Variants in NCAPG2 observed in about 807,000 individuals in gnomAD.
The protein encoded by NCAPG2 is condensin-2 complex subunit G2.
NCAPG2 carries 53 observed loss-of-function variants against 141.1 expected under a neutral mutation model. The ratio of observed to expected loss-of-function variants is 0.38; its 90% confidence interval spans 0.30 to 0.47. The LOEUF (loss-of-function observed/expected upper bound fraction) is 0.47, where lower values mean the gene tolerates loss of function less well. Among genes scored for constraint, NCAPG2 ranks in the 20% least tolerant of loss-of-function variants. The probability of loss-of-function intolerance (pLI) is 0.99; values close to 1 mark genes in which losing one functional copy is unlikely to be tolerated. For missense variants in NCAPG2, 1,087 were observed against 1,389.0 expected, an observed-to-expected ratio of 0.78 and a Z score of 3.46; for synonymous variants, 499 against 490.7, an observed-to-expected ratio of 1.02 and a Z score of -0.22.
chr7:158,689,627 T>C lies in NCAPG2; in HGVS notation c.672+192A>G, dbSNP rs972980930. ...CACAGCCACCTGTTACCATCCAATT[T>C]AATGATGAAATAAGCAAGGACTTGT... is the stretch of plus-strand genomic sequence containing the variant. On this transcript the variant is annotated intron_variant, in intron 6 of 27. Coordinates refer to ENST00000356309, the MANE Select transcript of NCAPG2 (RefSeq NM_017760.7). Among the ~76,000 whole-genome samples, 3 of 152,210 alleles carry C rather than the reference T, an allele frequency of 2.0e-5. No individual in the cohort carries two copies. In the South Asian group the frequency reaches 6.2e-4, roughly 31 times the overall value.
In NCAPG2 at chr7:158,633,269, T is replaced by C. The variant is rs10245273; in HGVS notation, c.3381-1552A>G. On this transcript the variant is annotated intron_variant, in intron 27 of 27. Coordinates refer to ENST00000356309, the MANE Select transcript of NCAPG2 (RefSeq NM_017760.7). This position sits in a 1 kb window ranked among gnomAD's most constrained non-coding sequence, Gnocchi z 4.1. ...TTTATGGTCTATGTTCTGAGACATCTCTCCAAATTGACCTTTCTGGAATTT... is the reference window on the plus strand; with the variant it reads ...TTTATGGTCTATGTTCTGAGACATCCCTCCAAATTGACCTTTCTGGAATTT... Among the ~76,000 whole-genome samples, 19 of 140,224 alleles carry C rather than the reference T, an allele frequency of 1.4e-4. No individual in the cohort carries two copies. Among genetic ancestry groups the C allele is most frequent in the African/African-American group, 5.1e-4 (19 of 36,948 alleles). The allele number at this position is 140,224 out of a possible 152,430, so 92.0% of individuals were successfully genotyped here.
At chr7:158,645,417 G>GCCAGGAGTAGC in intron 26 of NCAPG2, 102 bp downstream of exon 26, 1 of 972,522 alleles carries the variant, frequency 1.0e-6, no homozygotes, top group Non-Finnish European at 1.6e-6. Context: ...ACCTGAGCTG[G>GCCAGGAGTAGC]CCAGGAGTAG....
At chr7:158,660,886 C>T (rs1034449898) in intron 16 of NCAPG2, among the ~76,000 whole-genome samples, 4 of 152,054 alleles carry the variant, frequency 2.6e-5, no homozygotes, top group African/African-American at 4.8e-5. Flanking sequence ...GTAAGTCTCA[C>T]GAGATCTGAT....
chr7:158,672,278 ATGTG>A (rs111749495), intron 12 of NCAPG2, among the ~76,000 whole-genome samples: 26 of 22,870 alleles, frequency 1.1e-3, no homozygotes, highest in African/African-American at 3.4e-3. Flanking sequence ...TTCCAAACAC[ATGTG>A]TGTGTGTGTG....
At position 158,651,404 on chromosome 7, in the gene NCAPG2, A is replaced by G. The variant is rs573914146; in HGVS notation, c.2935-432T>C. ...CAGGCACTTGAAACAAATTCATCAAAAACAGGAACATTTCAAATGAACTCA... is the reference window on the plus strand; with the variant it reads ...CAGGCACTTGAAACAAATTCATCAAGAACAGGAACATTTCAAATGAACTCA... On this transcript the variant is annotated intron_variant, in intron 23 of 27. Coordinates refer to ENST00000356309, the MANE Select transcript of NCAPG2 (RefSeq NM_017760.7). 2.0e-5 allele frequency among the ~76,000 whole-genome samples: 3 copies of G among 152,344 alleles called. No individual in the cohort carries two copies. In the South Asian group the frequency reaches 6.2e-4, roughly 32 times the overall value.
chr7:158,684,330 G>A (rs1237128727), intron 8 of NCAPG2, among the ~76,000 whole-genome samples: 1 of 152,142 alleles, frequency 6.6e-6, no homozygotes, highest in Non-Finnish European at 1.5e-5. Context: ...ACATGCCAAT[G>A]GCATAGATTT....
rs758047710 is a variant in NCAPG2 at position 158,680,825 on chromosome 7, C to CA, written c.925-10dup. 12 of 1,555,474 alleles carry CA rather than the reference C, an allele frequency of 7.7e-6. No individual in the cohort carries two copies. The East Asian group carries it at 1.1e-4, about 15-fold the overall frequency. The stretch of plus-strand genomic sequence containing the variant: ...TGAAAGTAACTCAGAACCTAAGGAC[C>CA]AAAAAAAGGAAAAGGAAGGCATTAA... On this transcript the variant is annotated splice_polypyrimidine_tract_variant and intron_variant, in intron 9 of 27. Transcript: ENST00000356309.
chr7:158,698,130 GAAGA>G (rs1262374373), intron 2 of NCAPG2, among the ~76,000 whole-genome samples: 3 of 152,100 alleles, frequency 2.0e-5, no homozygotes, highest in Non-Finnish European at 4.4e-5. Context: ...AAAATAAAAT[GAAGA>G]AAGATTTTTT....
intron 5 of NCAPG2, 88 bp from the exon 6 acceptor site, chr7:158,690,041 G>A (rs1835024277): frequency 1.8e-6 from 2 of 1,129,946 alleles, no homozygotes; most frequent in South Asian, 6.4e-5. Context: ...CATAAATAAT[G>A]GTAATTCTAG....
At chr7:158,672,324 ATATATTTTTTTT>A (rs1833779375) in intron 12 of NCAPG2, among the ~76,000 whole-genome samples, 1 of 45,106 alleles carries the variant, frequency 2.2e-5, no homozygotes, top group African/African-American at 8.2e-5. Context: ...ATATATATAT[ATATATTTTTTTT>A]TTTTTTTTTT....
chr7:158,694,279 C>T (rs1167832801), intron 2 of NCAPG2, among the ~76,000 whole-genome samples: 1 of 152,208 alleles, frequency 6.6e-6, no homozygotes, highest in Non-Finnish European at 1.5e-5. Flanking sequence ...ATAGCACCTG[C>T]ATGCTCTAGA....
Position 158,644,328 on chromosome 7 carries a change from G to A in NCAPG2, c.3341C>T (p.Thr1114Ile). 7 of 1,613,910 alleles carry A rather than the reference G, an allele frequency of 4.3e-6. No homozygotes were observed. Among genetic ancestry groups the A allele is most frequent in the Non-Finnish European group, 5.9e-6 (7 of 1,179,830 alleles). Residue 1114 changes from threonine to isoleucine, a missense_variant, in exon 27 of 28, where the codon ACA becomes ATA. Thr to Ile is a moderately conservative substitution (Grantham distance 89). Transcript: ENST00000356309. ...VAATVHRKLK[T>I]FMEITLEEDS... ...CTCTTCCAAAGTAATTTCCATGAAT[G>A]TCTTTAGTTTTCTGTGAACAGTGGC...
At chr7:158,652,677 C>A (rs896673914) in intron 22 of NCAPG2, among the ~76,000 whole-genome samples, 197 bp from the exon 23 acceptor site, 13 of 152,152 alleles carry the variant, frequency 8.5e-5, no homozygotes, top group African/African-American at 2.4e-4. Flanking sequence ...ATAAGTATGA[C>A]GTTTGTCCCA....
At chr7:158,654,197 G>A (rs769586397) in intron 22 of NCAPG2, among the ~76,000 whole-genome samples, 1 of 152,178 alleles carries the variant, frequency 6.6e-6, no homozygotes, top group Non-Finnish European at 1.5e-5. Context: ...ACTTCCGGGG[G>A]TCCTGGTGGG....
chr7:158,644,264 C>T (rs1340760555), intron 27 of NCAPG2, 25 bp downstream of exon 27: 1 of 1,555,374 alleles, frequency 6.4e-7, no homozygotes, highest in South Asian at 1.1e-5. Context: ...TAGATGATCA[C>T]ATCTGGTGAA....
intron 27 of NCAPG2, among the ~76,000 whole-genome samples, chr7:158,635,387 C>G (rs1830117697): frequency 6.6e-6 from 1 of 152,080 alleles, no homozygotes; most frequent in Admixed American, 6.5e-5. Flanking sequence ...AATGTTGGCA[C>G]CTACATTATT....
rs1197835300 is a variant in NCAPG2, at chr7:158,654,803, TTTTTATAAAGATG to T, written c.2647-122_2647-110del. On this transcript the variant is annotated intron_variant, in intron 21 of 27. Coordinates refer to ENST00000356309, the MANE Select transcript of NCAPG2 (RefSeq NM_017760.7). ...TGTGCTAGTTATCTTATAAAGCAGA[TTTTTATAAAGATG>T]TTTTATAAAGGAATTTTCATAAAGA... 8 of 1,443,400 alleles carry T rather than the reference TTTTTATAAAGATG, an allele frequency of 5.5e-6. No individual in the cohort carries two copies. The African/African-American group carries it at 1.2e-4, about 21-fold the overall frequency. The allele number at this position is 1,443,400 out of a possible 1,614,324, so 89.4% of individuals were successfully genotyped here.
At chr7:158,660,005 G>C (rs574814526) in intron 16 of NCAPG2, among the ~76,000 whole-genome samples, 21 of 152,114 alleles carry the variant, frequency 1.4e-4, no homozygotes, top group African/African-American at 4.8e-4. Context: ...CCAGCTACTC[G>C]GGAGGCTGAG....
chr7:158,652,337 A>C lies in NCAPG2; in HGVS notation c.2890T>G (p.Cys964Gly), dbSNP rs767703903. The C allele has an allele frequency of 6.2e-7, 1 of 1,613,922 alleles. No homozygotes were observed. Among genetic ancestry groups the C allele is most frequent in the South Asian group, 1.1e-5 (1 of 90,958 alleles). Residue 964 changes from cysteine to glycine, a missense_variant, in exon 23 of 28, where the codon TGT becomes GGT. Cys to Gly is a radical substitution (Grantham distance 159). Transcript: ENST00000356309. ...VQKVFQKMLE[C>G]IARSFRKQPE... The stretch of plus-strand genomic sequence containing the variant: ...TGCTTCCTGAAGCTCCGTGCAATAC[A>C]TTCCAACATTTTCTGAAATACTTTC...
Sources: allele counts gnomAD v4.1 joint callset (sites outside exome capture counted in the v4.1 genomes callset), GRCh38; gene constraint gnomAD v4.1.1; non-coding constraint Gnocchi (gnomAD v3.1); transcripts MANE v1.5; gene names NCBI Gene and HGNC (gene_info 2026-07-23, HGNC 2026-07-21).